RFX4: variants seen among roughly 807,000 people sequenced by gnomAD.
RFX4 encodes regulatory factor X4.
Under a neutral mutation model 95.0 loss-of-function variants are expected in RFX4, and 10 were observed. The observed-to-expected ratio is 0.11, with a 90% CI of 0.06 to 0.18. The LOEUF is 0.18. RFX4 is among the 10% of genes least tolerant of loss of function. The pLI, the probability that RFX4 is intolerant of heterozygous loss-of-function variation, is 1.00. For synonymous variants in RFX4, 321 were observed against 340.7 expected, an observed-to-expected ratio of 0.94 and a Z score of 0.64; for missense variants, 640 against 922.0, an observed-to-expected ratio of 0.69 and a Z score of 3.96.
Position 106,583,055 on chromosome 12 carries a change from C to T in RFX4, c.-266C>T, listed in dbSNP as rs971369912. 5.4e-5 allele frequency: 23 copies of T among 428,880 alleles called. No homozygotes were observed. Among genetic ancestry groups the T allele is most frequent in the African/African-American group, 4.5e-4 (22 of 48,426 alleles). 26.6% of individuals were successfully genotyped at this position (428,880 alleles called of 1,614,324 possible). A position where few individuals can be genotyped will look rare whatever the true frequency, so the allele number is the denominator to read the frequency against. On this transcript the variant is annotated 5_prime_UTR_variant, in exon 1 of 18. Coordinates refer to ENST00000392842, the MANE Select transcript of RFX4 (RefSeq NM_213594.3). The stretch of plus-strand genomic sequence containing the variant: ...GCCCGGCTGGATTACTGAGTGTCCC[C>T]TTGCTCGCTCGCTTTTTCTCTCTCC...
chr12:106,639,519 A>G, intron 3 of RFX4, 127 bp downstream of exon 3: 1 of 857,592 alleles, frequency 1.2e-6, no homozygotes, highest in East Asian at 2.6e-5. Context: ...CATGAAATCT[A>G]TTTAATTTGC....
At chr12:106,738,413 G>A (rs1474492004) in intron 15 of RFX4, among the ~76,000 whole-genome samples, 1 of 152,198 alleles carries the variant, frequency 6.6e-6, no homozygotes, top group African/African-American at 2.4e-5. Flanking sequence ...CATCCAGCTA[G>A]TGAGTGTGCC....
At chr12:106,608,394 C>A (rs540545949) in intron 1 of RFX4, among the ~76,000 whole-genome samples, 1 of 152,326 alleles carries the variant, frequency 6.6e-6, no homozygotes, top group African/African-American at 2.4e-5. Context: ...AGTTCTGCTG[C>A]TAATTCACAA....
intron 7 of RFX4, 77 bp downstream of exon 7, chr12:106,689,441 T>TG: frequency 8.2e-7 from 1 of 1,214,974 alleles, no homozygotes; most frequent in East Asian, 2.3e-5. Context: ...CATGAGCTCC[T>TG]GCTAGGTGCC....
intron 2 of RFX4, among the ~76,000 whole-genome samples, chr12:106,611,979 T>C (rs930136886): frequency 1.6e-4 from 25 of 152,258 alleles, no homozygotes; most frequent in African/African-American, 5.1e-4. Context: ...TTGGTCTATA[T>C]GTCTGTCTTT....
chr12:106,731,354 A>G (rs2042608866), intron 13 of RFX4, among the ~76,000 whole-genome samples: 1 of 152,222 alleles, frequency 6.6e-6, no homozygotes, highest in African/African-American at 2.4e-5. Context: ...TGGCCTGCAA[A>G]ATAAGAATAA....
intron 4 of RFX4, among the ~76,000 whole-genome samples, chr12:106,662,931 T>A (rs769981090): frequency 5.3e-5 from 8 of 152,244 alleles, no homozygotes; most frequent in Non-Finnish European, 1.2e-4. Flanking sequence ...TGTCTATTCT[T>A]TTCCCAATAC....
At position 106,588,207 on chromosome 12, in the gene RFX4, G is replaced by T. The variant is rs117098337; in HGVS notation, c.43+4844G>T. Among the ~76,000 whole-genome samples, 204 of 152,278 alleles carry T rather than the reference G, an allele frequency of 1.3e-3. 1 individual carries two copies. Among genetic ancestry groups the T allele is most frequent in the Admixed American group, 2.3e-3 (35 of 15,300 alleles). On this transcript the variant is annotated intron_variant, in intron 1 of 17. Coordinates refer to ENST00000392842, the MANE Select transcript of RFX4 (RefSeq NM_213594.3). Reference sequence around the variant, plus strand: ...TTTTGCAAATCATTTGGGATTTTAAGAGTCAATAACCATGAACAACTCTTT... The same window carrying T: ...TTTTGCAAATCATTTGGGATTTTAATAGTCAATAACCATGAACAACTCTTT...
At chr12:106,591,797 T>A (rs532809769) in intron 1 of RFX4, among the ~76,000 whole-genome samples, 2 of 152,226 alleles carry the variant, frequency 1.3e-5, no homozygotes, top group Admixed American at 6.5e-5. Context: ...TGATAATATA[T>A]GGAGCCTTTA....
At chr12:106,613,945 T>C (rs566271212) in intron 2 of RFX4, among the ~76,000 whole-genome samples, 4 of 152,328 alleles carry the variant, frequency 2.6e-5, no homozygotes, top group Admixed American at 2.6e-4. Context: ...CGAAACAGTT[T>C]TCTAAAGTTG....
At chr12:106,684,054 T>C (rs772063461) in intron 5 of RFX4, among the ~76,000 whole-genome samples, 5 of 152,044 alleles carry the variant, frequency 3.3e-5, no homozygotes, top group African/African-American at 1.2e-4. Context: ...CCTTGGCAAA[T>C]TGACAATGAC....
intron 4 of RFX4, among the ~76,000 whole-genome samples, chr12:106,681,599 A>G (rs1341050258): frequency 6.6e-6 from 1 of 152,194 alleles, no homozygotes; most frequent in African/African-American, 2.4e-5. Context: ...TAAAGGTGAG[A>G]ATTATAAGAG....
At chr12:106,739,688 TG>T (rs1340647575) in intron 15 of RFX4, among the ~76,000 whole-genome samples, 1 of 152,208 alleles carries the variant, frequency 6.6e-6, no homozygotes, top group African/African-American at 2.4e-5. Flanking sequence ...TGGCCAATTT[TG>T]GTTGGGTTTA....
At position 106,720,200 on chromosome 12, in the gene RFX4, A is replaced by G. The variant is rs1320032577; in HGVS notation, c.1233+146A>G. On this transcript the variant is annotated intron_variant, in intron 12 of 17. Coordinates refer to ENST00000392842, the MANE Select transcript of RFX4 (RefSeq NM_213594.3). This position sits in a 1 kb window ranked among gnomAD's most constrained non-coding sequence, Gnocchi z 4.2. ...CCAGGAGGTGGAGGGGTCAGGAGGC[A>G]GGACTCTTGAGTCTTCCATCCCTGA... 1 of 653,458 alleles carries G rather than the reference A, an allele frequency of 1.5e-6. No homozygotes were observed. Among genetic ancestry groups the G allele is most frequent in the East Asian group, 2.7e-5 (1 of 37,394 alleles). 40.5% of individuals were successfully genotyped at this position (653,458 alleles called of 1,614,324 possible).
chr12:106,645,014 C>T (rs1437014675), intron 3 of RFX4, among the ~76,000 whole-genome samples: 1 of 152,092 alleles, frequency 6.6e-6, no homozygotes, highest in Non-Finnish European at 1.5e-5. Flanking sequence ...TCTCCTTCTT[C>T]CCCTTCCTTG....
chr12:106,740,679 TCTAGTGGTAAGAGTCAATA>T (rs1319383441), intron 15 of RFX4, among the ~76,000 whole-genome samples: 1 of 152,284 alleles, frequency 6.6e-6, no homozygotes, highest in East Asian at 1.9e-4. Flanking sequence ...GTACTTACAT[TCTAGTGGTAAGAGTCAATA>T]CAGAAGTAAA....
Position 106,761,231 on chromosome 12 carries a change from C to A in RFX4, c.1970C>A (p.Pro657His). ...PFNSPTSRME[P>H]CLMSSTPRLH... ...AATAGCCCCACTTCCCGGATGGAAC[C>A]TTGTTTGATGAGCAGTACTCCCAGA... Residue 657 changes from proline (P) to histidine (H), a missense_variant, in exon 18 of 18, where the codon CCT becomes CAT. Physicochemically the swap from Pro to His is moderately conservative, Grantham distance 77 (BLOSUM62 -2). This residue lies in a region of RFX4 where 300 missense variants were observed against 346.8 expected (regional missense o/e 0.87). Transcript: ENST00000392842. 6.2e-7 allele frequency: 1 copy of A among 1,614,036 alleles called. No homozygotes were observed. Among genetic ancestry groups the A allele is most frequent in the Non-Finnish European group, 8.5e-7 (1 of 1,179,940 alleles).
At chr12:106,708,601 T>G (rs975324652) in intron 8 of RFX4, among the ~76,000 whole-genome samples, 1 of 151,976 alleles carries the variant, frequency 6.6e-6, no homozygotes, top group African/African-American at 2.4e-5. Flanking sequence ...GGATGGTCAA[T>G]GGGGAGATGT....
At chr12:106,600,801 G>A (rs2039691747) in intron 1 of RFX4, among the ~76,000 whole-genome samples, 1 of 151,962 alleles carries the variant, frequency 6.6e-6, no homozygotes, top group South Asian at 2.1e-4. Context: ...GCCCACCCAG[G>A]CCCTTGCACT....
Sources: gnomAD v4.1 joint callset for allele counts (sites outside exome capture counted in the v4.1 genomes callset) on GRCh38, gnomAD v4.1.1 for gene constraint, gnomAD v4.1.1 regional missense constraint, Gnocchi (gnomAD v3.1) non-coding constraint, MANE v1.5 for transcripts, NCBI Gene and HGNC (gene_info 2026-07-23, HGNC 2026-07-21) for gene names.